Variants in SOCS2 observed in about 807,000 individuals in gnomAD.
The protein encoded by SOCS2 is CIS-2.
Under a neutral mutation model 18.6 loss-of-function variants are expected in SOCS2, and 10 were observed. The observed-to-expected ratio is 0.54, with a 90% confidence interval of 0.33 to 0.91. The LOEUF (loss-of-function observed/expected upper bound fraction) is 0.91, where lower values mean the gene tolerates loss of function less well. Ranked by LOEUF, SOCS2 falls within the 40% of genes least tolerant of loss-of-function variation. SOCS2 has a pLI of 0.02. For missense variants in SOCS2, 231 were observed against 247.2 expected (o/e 0.93, Z 0.44); for synonymous variants, 104 against 104.0 (o/e 1.00, Z 0.00).
chr12:93,571,197 AGCTCGGGCGCCCGCG>A (rs1954239144), upstream of SOCS2: 1 of 152,592 alleles, frequency 6.6e-6, no homozygotes, highest in African/African-American at 2.4e-5. Flanking sequence ...CCGTGCCCGC[AGCTCGGGCGCCCGCG>A]GCAGGTACCG....
chr12:93,574,787 A>T lies in SOCS2; in HGVS notation c.205A>T (p.Thr69Ser). ...GAAATTAAAAGAGGCACCAGAAGGA[A>T]CTTTCTTGATTAGAGATAGCTCGCA... is the stretch of plus-strand genomic sequence containing the variant. ...KEKLKEAPEG[T>S]FLIRDSSHSD... The change falls in exon 2 of 2, where the codon ACT becomes TCT. Residue 69 changes from threonine (T) to serine (S), a missense_variant. Transcript: ENST00000551556. The T allele has an allele frequency of 6.2e-7, 1 of 1,614,178 alleles. No individual in the cohort carries two copies. Among genetic ancestry groups the T allele is most frequent in the Non-Finnish European group, 8.5e-7 (1 of 1,180,018 alleles).
At chr12:93,614,624 T>TTTCTTTCTTTCTTTCTTTC in the SOCS2 span, among the ~76,000 whole-genome samples, 3 of 119,782 alleles carry the variant, frequency 2.5e-5, no homozygotes, top group Non-Finnish European at 3.5e-5. Context: ...TCTTTCTTTC[T>TTTCTTTCTTTCTTTCTTTC]TTCTTTCTTT....
chr12:93,595,641 CCTTTTT>C, the SOCS2 span, among the ~76,000 whole-genome samples: 7 of 152,140 alleles, frequency 4.6e-5, no homozygotes, highest in African/African-American at 1.7e-4. Flanking sequence ...GACGTGCTCT[CCTTTTT>C]CTTTTTAATT....
At chr12:93,584,834 C>T (rs2136716056), downstream of SOCS2, among the ~76,000 whole-genome samples, 1 of 152,210 alleles carries the variant, frequency 6.6e-6, no homozygotes, top group East Asian at 1.9e-4. Context: ...ATGATCTCAG[C>T]TCACTGCAAC....
intron 1 of SOCS2, chr12:93,574,448 G>A (rs7487609): frequency 3.4e-6 from 1 of 292,544 alleles, no homozygotes; most frequent in Non-Finnish European, 6.3e-6. Context: ...TGGTTCATTA[G>A]AAGAAAATCT....
chr12:93,577,738 G>A (rs1176684307), downstream of SOCS2, among the ~76,000 whole-genome samples: 2 of 152,094 alleles, frequency 1.3e-5, no homozygotes, highest in Non-Finnish European at 2.9e-5. Flanking sequence ...TTTTTCCCCT[G>A]AACACGCCTG....
At chr12:93,590,122 C>T in the SOCS2 span, among the ~76,000 whole-genome samples, 3 of 151,802 alleles carry the variant, frequency 2.0e-5, no homozygotes, top group Non-Finnish European at 2.9e-5. Context: ...TGTGGTGGTG[C>T]GCGCCTATAA....
chr12:93,572,847 C>T lies in SOCS2; in HGVS notation c.-51C>T. 1 of 1,554,994 alleles carries T rather than the reference C, an allele frequency of 6.4e-7. No individual in the cohort carries two copies. The highest frequency in any genetic ancestry group is 8.7e-7 in the Non-Finnish European group (1 of 1,148,846). ...TTCAAGGAAGGACGCGAACCCTTCT[C>T]TGACCCCAGCTCGGGCGGCCACCTG... On this transcript the variant is annotated 5_prime_UTR_variant, in exon 1 of 2. Coordinates refer to ENST00000551556, the MANE Select transcript of SOCS2 (RefSeq NM_001270471.2). This position sits in a 1 kb window ranked among gnomAD's most constrained non-coding sequence, Gnocchi z 5.0.
chr12:93,600,924 G>A, the SOCS2 span, among the ~76,000 whole-genome samples: 1 of 151,628 alleles, frequency 6.6e-6, no homozygotes, highest in African/African-American at 2.4e-5. Context: ...AAGTAGCTGG[G>A]ACTACGATTG....
At chr12:93,616,424 T>C in the SOCS2 span, among the ~76,000 whole-genome samples, 2 of 152,226 alleles carry the variant, frequency 1.3e-5, no homozygotes, top group Non-Finnish European at 2.9e-5. Flanking sequence ...ATGCCTGACC[T>C]CTGATCTCTG....
chr12:93,625,169 C>A, the SOCS2 span, among the ~76,000 whole-genome samples: 2 of 152,192 alleles, frequency 1.3e-5, no homozygotes, highest in Non-Finnish European at 1.5e-5. Flanking sequence ...CCTGGGGGAG[C>A]CAAATAGTTT....
chr12:93,573,093 G>C (rs2364229), intron 1 of SOCS2, 57 bp downstream of exon 1: 4 of 1,536,896 alleles, frequency 2.6e-6, no homozygotes, highest in Non-Finnish European at 3.5e-6. Flanking sequence ...CAAGGAAGCA[G>C]CTAGGAAGCG....
At chr12:93,570,434 T>G (rs1053733935), upstream of SOCS2, 1 of 152,266 alleles carries the variant, frequency 6.6e-6, no homozygotes, top group African/African-American at 2.4e-5. Context: ...TCCCCGGCCG[T>G]GGGCACCGGG....
the SOCS2 span, among the ~76,000 whole-genome samples, chr12:93,601,914 T>C: frequency 6.6e-6 from 1 of 152,178 alleles, no homozygotes; most frequent in African/African-American, 2.4e-5. Context: ...TTTAAAAATA[T>C]ATAGCAAAAG....
chr12:93,590,311 A>AC, the SOCS2 span, among the ~76,000 whole-genome samples: 69 of 152,144 alleles, frequency 4.5e-4, no homozygotes, highest in Admixed American at 1.0e-3. Flanking sequence ...AGTTTTAGCT[A>AC]CCGACGCAAG....
the SOCS2 span, among the ~76,000 whole-genome samples, chr12:93,600,246 T>C: frequency 1.3e-5 from 2 of 152,240 alleles, no homozygotes; most frequent in Non-Finnish European, 2.9e-5. Context: ...AGTCTTTTCC[T>C]TTCCCTACTG....
chr12:93,619,168 TG>T, the SOCS2 span, among the ~76,000 whole-genome samples: 4 of 152,140 alleles, frequency 2.6e-5, no homozygotes, highest in Non-Finnish European at 4.4e-5. Flanking sequence ...GCGGAGGCTA[TG>T]GGAGAGGAGC....
chr12:93,618,675 C>T, the SOCS2 span, among the ~76,000 whole-genome samples: 1 of 152,218 alleles, frequency 6.6e-6, no homozygotes. Context: ...TTCCTTAGGT[C>T]CCAGCTCAAA....
chr12:93,572,760 C>T lies in SOCS2; in HGVS notation c.-138C>T. On this transcript the variant is annotated 5_prime_UTR_variant, in exon 1 of 2. Coordinates refer to ENST00000551556, the MANE Select transcript of SOCS2 (RefSeq NM_001270471.2). This position sits in a 1 kb window ranked among gnomAD's most constrained non-coding sequence, Gnocchi z 5.0. Reference sequence around the variant, plus strand: ...GGATCTGGGGAGAAAGAGCCCCATCCCTTCTCTCTCTGCCACCATTTCGGA... The same window carrying T: ...GGATCTGGGGAGAAAGAGCCCCATCTCTTCTCTCTCTGCCACCATTTCGGA... 2 of 1,090,526 alleles carry T rather than the reference C, an allele frequency of 1.8e-6. No individual in the cohort carries two copies. The highest frequency in any genetic ancestry group is 2.7e-6 in the Non-Finnish European group (2 of 737,220). The allele number at this position is 1,090,526 out of a possible 1,614,324, so 67.6% of individuals were successfully genotyped here.
Sources: allele counts gnomAD v4.1 joint callset (sites outside exome capture counted in the v4.1 genomes callset), GRCh38; gene constraint gnomAD v4.1.1; non-coding constraint Gnocchi (gnomAD v3.1); transcripts MANE v1.5; gene names NCBI Gene and HGNC (gene_info 2026-07-23, HGNC 2026-07-21).